The following GAB1 variants were observed in gnomAD, a reference collection of about 807,000 sequenced individuals.
GAB1 encodes the protein GRB2 associated binding protein 1, also known as GRB2-associated-binding protein 1.
A neutral mutation model predicts 66.5 loss-of-function variants in GAB1; 19 were observed. The ratio of observed to expected loss-of-function variants is 0.29; its 90% confidence interval spans 0.20 to 0.42. The LOEUF (loss-of-function observed/expected upper bound fraction) is 0.42. GAB1 is among the 10% of genes least tolerant of loss of function. GAB1 has a pLI of 1.00. For synonymous variants in GAB1, 294 were observed against 301.4 expected (o/e 0.98, Z 0.25); for missense variants, 732 against 858.5 (o/e 0.85, Z 1.84).
chr4:143,339,951 C>T (rs907690955), intron 1 of GAB1, among the ~76,000 whole-genome samples: 1 of 152,096 alleles, frequency 6.6e-6, no homozygotes, highest in African/African-American at 2.4e-5. Flanking sequence ...TGGAGATAGT[C>T]CTGGAAGACA....
chr4:143,473,368 T>G lies in GAB1; in HGVS notation c.*4179T>G, dbSNP rs1224921509. Reference sequence around the variant, plus strand: ...GTGAACTGATAAGGACATATAAATTTATATTTCCAGCCCTTCCTTAGAGTC... The same window carrying G: ...GTGAACTGATAAGGACATATAAATTGATATTTCCAGCCCTTCCTTAGAGTC... On this transcript the variant is annotated 3_prime_UTR_variant, in exon 10 of 10. Transcript: ENST00000262994. The G allele has an allele frequency of 6.6e-6, 1 of 152,198 alleles. No homozygotes were observed. Among genetic ancestry groups the G allele is most frequent in the Non-Finnish European group, 1.5e-5 (1 of 68,040 alleles). The allele number at this position is 152,198 out of a possible 1,614,324, so 9.4% of individuals were successfully genotyped here.
rs1258413580 is a variant in GAB1 at position 143,415,612 on chromosome 4, G to A, written c.208G>A (p.Ala70Thr). 6.2e-7 allele frequency: 1 copy of A among 1,613,848 alleles called. No individual in the cohort carries two copies. The change falls in exon 2 of 10, where the codon GCT becomes ACT. Residue 70 changes from alanine to threonine, a missense_variant. By Grantham distance (58) the Ala-to-Thr change is moderately conservative (BLOSUM62 0). Transcript: ENST00000262994. Reference sequence around the variant, plus strand: ...TTTAAATTTATGTCAACAAGTAGATGCTGGATTGACATTTAACAAAAAAGA... The same window carrying A: ...TTTAAATTTATGTCAACAAGTAGATACTGGATTGACATTTAACAAAAAAGA... ...IDLNLCQQVD[A>T]GLTFNKKEFE...
At chr4:143,358,397 ATTTTTC>A (rs545860997) in intron 1 of GAB1, among the ~76,000 whole-genome samples, 28 of 152,176 alleles carry the variant, frequency 1.8e-4, no homozygotes, top group Admixed American at 3.3e-4. Flanking sequence ...TTGTTTCGGT[ATTTTTC>A]TTTTTTATTA....
chr4:143,382,297 T>C (rs1453525118), intron 1 of GAB1, among the ~76,000 whole-genome samples: 3 of 152,236 alleles, frequency 2.0e-5, no homozygotes, highest in South Asian at 2.1e-4. Context: ...TTAGGTATTA[T>C]AGATATATTC....
chr4:143,378,666 T>TCTCTCC (rs1730523079), intron 1 of GAB1, among the ~76,000 whole-genome samples: 1 of 149,542 alleles, frequency 6.7e-6, no homozygotes, highest in Non-Finnish European at 1.5e-5. Context: ...TCTCTCTCTC[T>TCTCTCC]CTCTCTCGTT....
At chr4:143,347,547 C>G (rs1216924592) in intron 1 of GAB1, among the ~76,000 whole-genome samples, 1 of 152,200 alleles carries the variant, frequency 6.6e-6, no homozygotes, top group Non-Finnish European at 1.5e-5. Flanking sequence ...CTCTCCCCTC[C>G]CAGATAAAAT....
intron 1 of GAB1, chr4:143,376,735 ACTCAT>A (rs1461994190): frequency 1.1e-4 from 17 of 152,204 alleles, no homozygotes; most frequent in African/African-American, 3.9e-4. Context: ...TTATTTTAAG[ACTCAT>A]CTCAATAACC....
intron 1 of GAB1, chr4:143,350,016 C>G: frequency 6.4e-7 from 1 of 1,563,006 alleles, no homozygotes; most frequent in Non-Finnish European, 8.7e-7. Context: ...GACCCCGGCC[C>G]CGGATGCCAC....
chr4:143,432,164 GCTGT>G (rs549478850), intron 2 of GAB1, among the ~76,000 whole-genome samples: 65 of 152,294 alleles, frequency 4.3e-4, no homozygotes, highest in African/African-American at 8.9e-4. Flanking sequence ...CTTAGCCACT[GCTGT>G]CTAACTCGAA....
chr4:143,453,681 C>A (rs1274928711), intron 6 of GAB1, among the ~76,000 whole-genome samples: 1 of 152,212 alleles, frequency 6.6e-6, no homozygotes, highest in East Asian at 1.9e-4. Context: ...AATACAAATA[C>A]TCTTCTAAGA....
intron 1 of GAB1, among the ~76,000 whole-genome samples, chr4:143,389,506 C>T (rs3828513): frequency 0.32 from 48,197 of 152,080 alleles, 7,913 homozygotes; most frequent in South Asian, 0.48. Flanking sequence ...CTTCCAGACC[C>T]CTCTGACCTA....
intron 1 of GAB1, among the ~76,000 whole-genome samples, chr4:143,398,537 A>G (rs1035507204): frequency 4.6e-5 from 7 of 152,156 alleles, no homozygotes; most frequent in Non-Finnish European, 1.0e-4. Flanking sequence ...AAGGCCAGAA[A>G]CTATATCCAC....
At chr4:143,437,895 T>G (rs1056920478) in intron 3 of GAB1, 104 bp from the exon 4 acceptor site, 5 of 1,128,778 alleles carry the variant, frequency 4.4e-6, no homozygotes, top group Non-Finnish European at 5.1e-6. Context: ...AAAAATCTAA[T>G]GAGAAAAGCC....
chr4:143,425,954 GC>G (rs1393047743), intron 2 of GAB1: 14 of 854,824 alleles, frequency 1.6e-5, no homozygotes, highest in African/African-American at 3.4e-5. Flanking sequence ...GGGTTCTTAA[GC>G]AACATGGAAA....
intron 9 of GAB1, 79 bp downstream of exon 9, chr4:143,466,304 T>C: frequency 7.2e-7 from 1 of 1,389,380 alleles, no homozygotes; most frequent in Non-Finnish European, 9.8e-7. Context: ...TCCTTTGGGA[T>C]AATTTTATTA....
chr4:143,342,677 C>T (rs1483845785), intron 1 of GAB1, among the ~76,000 whole-genome samples: 1 of 150,914 alleles, frequency 6.6e-6, no homozygotes, highest in African/African-American at 2.4e-5. Context: ...CCTGCCTCAA[C>T]CTCCCAAGTA....
At chr4:143,379,178 A>C (rs1363109412) in intron 1 of GAB1, among the ~76,000 whole-genome samples, 1 of 152,234 alleles carries the variant, frequency 6.6e-6, no homozygotes, top group Non-Finnish European at 1.5e-5. Flanking sequence ...ATAATTCAGC[A>C]AACAAAGAGG....
intron 6 of GAB1, among the ~76,000 whole-genome samples, chr4:143,445,908 A>G (rs1459318963): frequency 6.6e-6 from 1 of 151,924 alleles, no homozygotes; most frequent in African/African-American, 2.4e-5. Context: ...TCGTCATTTA[A>G]CATTAGGTAT....
intron 2 of GAB1, among the ~76,000 whole-genome samples, chr4:143,423,048 C>G (rs1172848844): frequency 6.6e-6 from 1 of 152,196 alleles, no homozygotes; most frequent in East Asian, 1.9e-4. Flanking sequence ...AGGCAAATCA[C>G]AAGTCTTTAT....
Sources: allele counts gnomAD v4.1 joint callset (sites outside exome capture counted in the v4.1 genomes callset), GRCh38; gene constraint gnomAD v4.1.1; transcripts MANE v1.5; gene names NCBI Gene and HGNC (gene_info 2026-07-23, HGNC 2026-07-21).